Variants in TAFA2 observed in about 807,000 individuals in gnomAD.
TAFA2 encodes chemokine-like protein TAFA-2.
Under a neutral mutation model 18.8 loss-of-function variants are expected in TAFA2, and 7 were observed. The observed-to-expected ratio is 0.37, with a 90% CI of 0.21 to 0.70. TAFA2 has a LOEUF of 0.70. Among genes scored for constraint, TAFA2 ranks in the 30% least tolerant of loss-of-function variants. The pLI is 0.53. For missense variants in TAFA2, 122 were observed against 158.1 expected (o/e 0.77, Z 1.23); for synonymous variants, 60 against 54.2 (o/e 1.11, Z -0.47).
intron 2 of TAFA2, among the ~76,000 whole-genome samples, chr12:61,778,541 C>T (rs976955932): frequency 1.3e-5 from 2 of 151,798 alleles, no homozygotes; most frequent in African/African-American, 2.4e-5. Flanking sequence ...TTACTCATCA[C>T]TCATTTACTA....
intron 1 of TAFA2, among the ~76,000 whole-genome samples, chr12:61,942,425 C>G (rs1402888659): frequency 4.0e-4 from 60 of 151,518 alleles, no homozygotes; most frequent in East Asian, 3.9e-4. Flanking sequence ...CGCAGTTCCT[C>G]ACCAGCAATG....
chr12:62,240,491 T>C (rs1169417498), intron 1 of TAFA2, among the ~76,000 whole-genome samples: 1 of 152,188 alleles, frequency 6.6e-6, no homozygotes, highest in Non-Finnish European at 1.5e-5. Context: ...GTATGGTTTA[T>C]AATTGTAATG....
chr12:62,221,192 A>AGGAAGGAGGGAAGGAAGGAAGGCG (rs2062759567), intron 1 of TAFA2, among the ~76,000 whole-genome samples: 4 of 98,686 alleles, frequency 4.1e-5, no homozygotes, highest in Non-Finnish European at 8.8e-5. Context: ...GGAGGGGAGA[A>AGGAAGGAGGGAAGGAAGGAAGGCG]GGAAGGAGGG....
At chr12:62,080,891 C>CCTTG (rs1868309822) in intron 1 of TAFA2, among the ~76,000 whole-genome samples, 1 of 152,116 alleles carries the variant, frequency 6.6e-6, no homozygotes, top group Non-Finnish European at 1.5e-5. Context: ...ATCTATTTGA[C>CCTTG]CTTGCATTAA....
At chr12:62,110,636 G>A (rs1267079954) in intron 1 of TAFA2, among the ~76,000 whole-genome samples, 2 of 106,284 alleles carry the variant, frequency 1.9e-5, no homozygotes, top group Non-Finnish European at 4.0e-5. Flanking sequence ...TTTTTTGGTT[G>A]GTAGGCTATT....
chr12:61,734,199 C>T (rs1414414575), intron 4 of TAFA2, among the ~76,000 whole-genome samples: 2 of 151,710 alleles, frequency 1.3e-5, no homozygotes, highest in East Asian at 3.9e-4. Context: ...TTTCTAGATA[C>T]ACAATCATGT....
chr12:61,733,110 G>A (rs10877726), intron 4 of TAFA2, among the ~76,000 whole-genome samples: 42,769 of 151,738 alleles, frequency 0.28, 6,666 homozygotes, highest in South Asian at 0.38. Context: ...CCCACTTTTT[G>A]ATGGGGTTGT....
chr12:61,883,880 C>T (rs1052719586), intron 1 of TAFA2, among the ~76,000 whole-genome samples: 1 of 152,168 alleles, frequency 6.6e-6, no homozygotes, highest in Non-Finnish European at 1.5e-5. Flanking sequence ...AAACTCATGA[C>T]TGAATGAACA....
chr12:61,852,233 A>C (rs1216610236), intron 2 of TAFA2, among the ~76,000 whole-genome samples: 1 of 151,850 alleles, frequency 6.6e-6, no homozygotes, highest in Non-Finnish European at 1.5e-5. Flanking sequence ...GAATTGCAAT[A>C]GTTCAGAGAA....
rs2062915049 is a variant in TAFA2, at chr12:62,251,760, G to A, written c.-130+7003C>T. Among the ~76,000 whole-genome samples the A allele has an allele frequency of 3.9e-5, 6 of 152,178 alleles. No individual in the cohort carries two copies. In the South Asian group the frequency reaches 1.2e-3, roughly 31 times the overall value. On this transcript the variant is annotated intron_variant, in intron 1 of 5. Coordinates refer to the TAFA2 transcript ENST00000551619. ...AGTCTTTAAAACCCTACATCAATTA[G>A]TTATTGCACACTGGCTGCCCCCTGA...
chr12:62,117,416 G>T lies in TAFA2; in HGVS notation c.-2+73843C>A, dbSNP rs1870008370. ...GTTTTCTAAATATAAAAAAAAAGTGGTGCATTTTAGGAACTATGTTTTAGT... is the reference window on the plus strand; with the variant it reads ...GTTTTCTAAATATAAAAAAAAAGTGTTGCATTTTAGGAACTATGTTTTAGT... On this transcript the variant is annotated intron_variant, in intron 1 of 4. Coordinates refer to ENST00000416284, the MANE Select transcript of TAFA2 (RefSeq NM_178539.5). Among the ~76,000 whole-genome samples, 10 of 152,126 alleles carry T rather than the reference G, an allele frequency of 6.6e-5. No individual in the cohort carries two copies. The South Asian group carries it at 1.9e-3, about 28-fold the overall frequency.
At chr12:62,065,649 A>T (rs1882465223) in intron 1 of TAFA2, among the ~76,000 whole-genome samples, 1 of 152,002 alleles carries the variant, frequency 6.6e-6, no homozygotes, top group South Asian at 2.1e-4. Context: ...GTCAATTTTT[A>T]AAATCATATG....
intron 1 of TAFA2, among the ~76,000 whole-genome samples, chr12:61,963,296 C>T (rs141927874): frequency 6.6e-6 from 1 of 152,010 alleles, no homozygotes; most frequent in African/African-American, 2.4e-5. Flanking sequence ...GAGGAATTGC[C>T]ACACTATCTT....
chr12:61,712,189 T>C (rs533263999), intron 4 of TAFA2, among the ~76,000 whole-genome samples: 57 of 152,212 alleles, frequency 3.7e-4, no homozygotes, highest in African/African-American at 1.4e-3. Context: ...ACTGCATAAA[T>C]GTGGTGCCAT....
intron 1 of TAFA2, among the ~76,000 whole-genome samples, chr12:61,912,774 G>T (rs745886692): frequency 1.3e-5 from 2 of 152,146 alleles, no homozygotes; most frequent in Non-Finnish European, 2.9e-5. Context: ...GTGAACAACT[G>T]TGATAAAACA....
At chr12:62,115,959 A>G (rs1485328717) in intron 1 of TAFA2, among the ~76,000 whole-genome samples, 1 of 152,212 alleles carries the variant, frequency 6.6e-6, no homozygotes, top group Non-Finnish European at 1.5e-5. Context: ...AGGACAGTCA[A>G]GGGAATAACA....
intron 2 of TAFA2, among the ~76,000 whole-genome samples, chr12:61,776,753 AT>A (rs1248075294): frequency 6.6e-6 from 1 of 151,912 alleles, no homozygotes; most frequent in Non-Finnish European, 1.5e-5. Flanking sequence ...AGATATTTAT[AT>A]ATTTCTGTTT....
At chr12:61,873,951 G>A (rs1257107700) in intron 1 of TAFA2, among the ~76,000 whole-genome samples, 1 of 152,114 alleles carries the variant, frequency 6.6e-6, no homozygotes, top group Non-Finnish European at 1.5e-5. Flanking sequence ...CAAATTAGGA[G>A]ATAATAATGT....
chr12:62,066,761 GCT>G (rs767784842), intron 1 of TAFA2, among the ~76,000 whole-genome samples: 221 of 152,142 alleles, frequency 1.5e-3, no homozygotes, highest in Non-Finnish European at 2.2e-3. Flanking sequence ...GTTGAATAGT[GCT>G]GTAATAAACA....
Sources: allele counts gnomAD v4.1 joint callset (sites outside exome capture counted in the v4.1 genomes callset), GRCh38; gene constraint gnomAD v4.1.1; transcripts MANE v1.5; gene names NCBI Gene and HGNC (gene_info 2026-07-23, HGNC 2026-07-21).